Variants in SEMA6D observed in about 807,000 individuals in gnomAD.
SEMA6D encodes the protein semaphorin 6D.
In SEMA6D, 35 loss-of-function variants were observed where a neutral mutation model predicts 106.6. That is an observed-to-expected ratio of 0.33 (90% CI 0.25 to 0.44). SEMA6D has a LOEUF of 0.44. Among genes scored for constraint, SEMA6D ranks in the 20% least tolerant of loss-of-function variants. SEMA6D has a pLI of 1.00. For synonymous variants in SEMA6D, 499 were observed against 487.7 expected (o/e 1.02, Z -0.31); for missense variants, 1,185 against 1,345.9 (o/e 0.88, Z 1.87).
chr15:47,673,604 G>A (rs1215905037), intron 4 of SEMA6D, among the ~76,000 whole-genome samples: 2 of 152,172 alleles, frequency 1.3e-5, no homozygotes, highest in African/African-American at 4.8e-5. Flanking sequence ...TGGGAACACT[G>A]TAAGCTTCAT....
intron 1 of SEMA6D, among the ~76,000 whole-genome samples, chr15:47,400,155 C>T (rs2040350316): frequency 6.6e-6 from 1 of 152,170 alleles, no homozygotes; most frequent in Non-Finnish European, 1.5e-5. Flanking sequence ...GAACCAAAAT[C>T]AGAGCAGCAA....
At chr15:47,516,845 G>A (rs1029627240) in intron 3 of SEMA6D, among the ~76,000 whole-genome samples, 3 of 152,148 alleles carry the variant, frequency 2.0e-5, no homozygotes, top group South Asian at 2.1e-4. Context: ...CCAGGGTGTC[G>A]AGGAGTCCAC....
chr15:47,556,419 A>G (rs898844101), intron 3 of SEMA6D, among the ~76,000 whole-genome samples: 21 of 152,310 alleles, frequency 1.4e-4, no homozygotes, highest in African/African-American at 5.1e-4. Flanking sequence ...GAAATAGACC[A>G]AGAAATAAAT....
intron 1 of SEMA6D, among the ~76,000 whole-genome samples, chr15:47,382,036 T>C (rs1011610144): frequency 1.3e-5 from 2 of 152,166 alleles, no homozygotes; most frequent in African/African-American, 4.8e-5. Context: ...GCTTTTCTTC[T>C]TGGCAAGGAA....
At chr15:47,697,149 G>A (rs1490419985) in intron 4 of SEMA6D, among the ~76,000 whole-genome samples, 1 of 152,136 alleles carries the variant, frequency 6.6e-6, no homozygotes, top group East Asian at 1.9e-4. Flanking sequence ...AGTAGAACAA[G>A]TCAGCTGCAT....
chr15:47,265,117 A>C (rs1413029350), intron 1 of SEMA6D, among the ~76,000 whole-genome samples: 1 of 152,014 alleles, frequency 6.6e-6, no homozygotes, highest in Non-Finnish European at 1.5e-5. Context: ...AGAGTGACAC[A>C]GGCCTAAAGG....
intron 3 of SEMA6D, among the ~76,000 whole-genome samples, chr15:47,529,556 A>G (rs115890105): frequency 6.7e-6 from 1 of 149,716 alleles, no homozygotes; most frequent in Non-Finnish European, 1.5e-5. Flanking sequence ...AAGAGATTCA[A>G]ATTCTTCTGG....
At chr15:47,277,568 A>G (rs532639913) in intron 1 of SEMA6D, among the ~76,000 whole-genome samples, 4 of 147,588 alleles carry the variant, frequency 2.7e-5, no homozygotes, top group Non-Finnish European at 4.5e-5. Context: ...GCATTTTTAA[A>G]TTAAGGTATG....
At chr15:47,215,934 AT>A (rs1484860604) in intron 1 of SEMA6D, among the ~76,000 whole-genome samples, 1 of 152,138 alleles carries the variant, frequency 6.6e-6, no homozygotes, top group Non-Finnish European at 1.5e-5. Context: ...GACATATAAT[AT>A]TTATAAGTGT....
intron 3 of SEMA6D, among the ~76,000 whole-genome samples, chr15:47,571,402 GAT>G (rs2046378356): frequency 6.6e-6 from 1 of 152,206 alleles, no homozygotes; most frequent in Non-Finnish European, 1.5e-5. Context: ...GCCAATTACA[GAT>G]GCTCTGCTGT....
intron 1 of SEMA6D, among the ~76,000 whole-genome samples, chr15:47,217,402 C>A (rs8040414): frequency 0.42 from 64,202 of 151,902 alleles, 14,586 homozygotes; most frequent in African/African-American, 0.57. Flanking sequence ...TAGCAAACAA[C>A]TGGAAAACAA....
intron 3 of SEMA6D, among the ~76,000 whole-genome samples, chr15:47,477,435 G>T (rs1450138951): frequency 1.3e-5 from 2 of 152,132 alleles, no homozygotes; most frequent in African/African-American, 4.8e-5. Context: ...CCATTAATCT[G>T]TAGCAGGGAA....
chr15:47,190,215 T>C (rs111777025), intron 1 of SEMA6D, among the ~76,000 whole-genome samples: 3,523 of 152,268 alleles, frequency 0.023, 140 homozygotes, highest in African/African-American at 0.079. Context: ...GACCAGTTAA[T>C]ATCCCTCACT....
At chr15:47,230,785 G>GT (rs1348396575) in intron 1 of SEMA6D, among the ~76,000 whole-genome samples, 7 of 151,950 alleles carry the variant, frequency 4.6e-5, no homozygotes. Context: ...AACAATCTAG[G>GT]TTTTAACAAG....
At chr15:47,564,894 G>T (rs1319139714) in intron 3 of SEMA6D, among the ~76,000 whole-genome samples, 2 of 152,176 alleles carry the variant, frequency 1.3e-5, no homozygotes, top group Non-Finnish European at 2.9e-5. Flanking sequence ...GAGAGAAGCA[G>T]CTTGACTTCA....
chr15:47,195,996 C>T (rs1894320236), intron 1 of SEMA6D, among the ~76,000 whole-genome samples: 1 of 149,548 alleles, frequency 6.7e-6, no homozygotes, highest in African/African-American at 2.5e-5. Context: ...TGCTCCACAG[C>T]AAGTTATCAA....
intron 4 of SEMA6D, among the ~76,000 whole-genome samples, chr15:47,708,718 A>C (rs1392769142): frequency 1.3e-5 from 2 of 152,204 alleles, no homozygotes; most frequent in Non-Finnish European, 2.9e-5. Flanking sequence ...GTAAGTAATA[A>C]AACATGTTAA....
chr15:47,194,322 G>A (rs1472408401), intron 1 of SEMA6D, among the ~76,000 whole-genome samples: 1 of 152,160 alleles, frequency 6.6e-6, no homozygotes, highest in East Asian at 1.9e-4. Flanking sequence ...TCTTAAAAAT[G>A]CTTGTCAAAA....
chr15:47,545,677 CTCAAA>C (rs1248113391), intron 3 of SEMA6D, among the ~76,000 whole-genome samples: 2 of 152,030 alleles, frequency 1.3e-5, no homozygotes, highest in Non-Finnish European at 2.9e-5. Context: ...TCAAATTAAA[CTCAAA>C]TATATGCGTT....
Sources: gnomAD v4.1 joint callset for allele counts (sites outside exome capture counted in the v4.1 genomes callset) on GRCh38, gnomAD v4.1.1 for gene constraint, MANE v1.5 for transcripts, NCBI Gene and HGNC (gene_info 2026-07-23, HGNC 2026-07-21) for gene names.